Variants in TMPRSS5 observed in about 807,000 individuals in gnomAD.
The protein encoded by TMPRSS5 is transmembrane serine protease 5, also known as transmembrane protease serine 5.
In TMPRSS5, 45 loss-of-function variants were observed where a neutral mutation model predicts 59.7. The ratio of observed to expected loss-of-function variants is 0.75; its 90% confidence interval spans 0.59 to 0.97. The LOEUF is 0.97. Among genes scored for constraint, TMPRSS5 ranks in the 50% least tolerant of loss-of-function variants. The pLI is 0.00. For missense variants in TMPRSS5, 585 were observed against 596.7 expected, an observed-to-expected ratio of 0.98 and a Z score of 0.20; for synonymous variants, 225 against 232.0, an observed-to-expected ratio of 0.97 and a Z score of 0.27.
intron 10 of TMPRSS5, 136 bp from the exon 11 acceptor site, chr11:113,690,509 C>T (rs1952744722): frequency 7.4e-7 from 1 of 1,347,976 alleles, no homozygotes; most frequent in Non-Finnish European, 9.9e-7. Context: ...GCTGTGGACG[C>T]TGAGCAAGGA....
At chr11:113,694,724 G>T in intron 7 of TMPRSS5, 84 bp from the exon 8 acceptor site, 1 of 1,356,608 alleles carries the variant, frequency 7.4e-7, no homozygotes, top group Non-Finnish European at 9.9e-7. Context: ...GTGGCCCAGT[G>T]CTAAGCCCCA....
chr11:113,697,082 A>T, intron 5 of TMPRSS5, 111 bp from the exon 6 acceptor site: 1 of 1,176,206 alleles, frequency 8.5e-7, no homozygotes, highest in Non-Finnish European at 1.2e-6. Context: ...GCTGGGGTTT[A>T]TGCTTGTTAA....
At position 113,706,257 on chromosome 11, in the gene TMPRSS5, G is replaced by T. The variant is rs1434302540; in HGVS notation, c.-33C>A. On this transcript the variant is annotated 5_prime_UTR_variant, in exon 1 of 13. Transcript: ENST00000299882. ...AGTGGCACTGTTGTAAAGCCTCAGG[G>T]TCTACTAGGCAATGTTCCGCTCCTG... The T allele has an allele frequency of 1.3e-6, 2 of 1,599,060 alleles. No individual in the cohort carries two copies. The highest frequency in any genetic ancestry group is 8.5e-7 in the Non-Finnish European group (1 of 1,173,046).
At chr11:113,694,004 A>C (rs934898557) in intron 8 of TMPRSS5, among the ~76,000 whole-genome samples, 1 of 152,250 alleles carries the variant, frequency 6.6e-6, no homozygotes, top group Non-Finnish European at 1.5e-5. Flanking sequence ...ACGGTGGCTC[A>C]CGCCTGTTAT....
In TMPRSS5 at chr11:113,696,970, G is replaced by T; in HGVS notation, c.466C>A (p.Leu156Ile). Residue 156 changes from leucine to isoleucine, a missense_variant and splice_region_variant, in exon 6 of 13, where the codon CTC becomes ATC. By Grantham distance (5) the Leu-to-Ile change is conservative. Coordinates refer to ENST00000299882, the MANE Select transcript of TMPRSS5 (RefSeq NM_030770.4). ...QICWSLGHLRLTHHKGVNLTD... is the reference protein window; with the variant it reads ...QICWSLGHLRITHHKGVNLTD... ...AGGTTTACTCCCTTGTGGTGAGTGAGTCTTGGCAGAAGAAGGGAATAGAAC... is the reference window on the plus strand; with the variant it reads ...AGGTTTACTCCCTTGTGGTGAGTGATTCTTGGCAGAAGAAGGGAATAGAAC... 2 of 1,567,780 alleles carry T rather than the reference G, an allele frequency of 1.3e-6. No homozygotes were observed. The highest frequency in any genetic ancestry group is 1.7e-6 in the Non-Finnish European group (2 of 1,154,270).
rs1440726733 is a variant in TMPRSS5 at position 113,693,182 on chromosome 11, G to C, written c.853C>G (p.Pro285Ala). 6.2e-7 allele frequency: 1 copy of C among 1,601,960 alleles called. No homozygotes were observed. Among genetic ancestry groups the C allele is most frequent in the South Asian group, 1.1e-5 (1 of 88,534 alleles). ...CTCTCCACCAGAGCCCCTTGGTGGGGCCTGACGGCACTGTGGCTGACCAGC... is the reference window on the plus strand; with the variant it reads ...CTCTCCACCAGAGCCCCTTGGTGGGCCCTGACGGCACTGTGGCTGACCAGC... ...AGLVSHSAVR[P>A]HQGALVERII... Residue 285 changes from proline to alanine, a missense_variant, in exon 9 of 13, where the codon CCC becomes GCC. Pro to Ala is a conservative substitution (Grantham distance 27). Coordinates refer to ENST00000299882, the MANE Select transcript of TMPRSS5 (RefSeq NM_030770.4).
chr11:113,701,844 G>T (rs1332255005), intron 1 of TMPRSS5, among the ~76,000 whole-genome samples: 1 of 151,568 alleles, frequency 6.6e-6, no homozygotes, highest in African/African-American at 2.4e-5. Context: ...TTGCAGGTTT[G>T]TTACATAGGT....
rs778653913 is a variant in TMPRSS5, at chr11:113,694,544, C to A, written c.719G>T (p.Arg240Leu). Residue 240 changes from arginine to leucine, a missense_variant, in exon 8 of 13, where the codon CGG (arginine) becomes CTG (leucine). By Grantham distance (102) the Arg-to-Leu change is moderately radical (BLOSUM62 -2). Transcript: ENST00000299882. ...TAGCACAGAGCCCCCACACGTGTGC[C>A]GGAAGCCCAGGGCCACGCTGGCCTG... The part of the protein sequence containing the change: ...PWQASVALGF[R>L]HTCGGSVLAP... 1.3e-6 allele frequency: 2 copies of A among 1,557,558 alleles called. No homozygotes were observed. Among genetic ancestry groups the A allele is most frequent in the South Asian group, 1.2e-5 (1 of 84,362 alleles).
At chr11:113,700,014 T>C (rs553780067) in intron 2 of TMPRSS5, 52 bp downstream of exon 2, 5 of 1,551,010 alleles carry the variant, frequency 3.2e-6, no homozygotes, top group Non-Finnish European at 1.7e-6. Flanking sequence ...GTAGGATGAT[T>C]GCCCTCCACT....
At chr11:113,701,490 G>C (rs369771691) in intron 1 of TMPRSS5, among the ~76,000 whole-genome samples, 1 of 27,982 alleles carries the variant, frequency 3.6e-5, no homozygotes, top group Admixed American at 3.8e-4. Context: ...TTTTTTTGGC[G>C]GGGGGGGGTG....
rs1221776933 is a variant in TMPRSS5, at chr11:113,689,876, T to C, written c.1248A>G (p.Thr416=). 3.2e-6 allele frequency: 5 copies of C among 1,576,234 alleles called. No individual in the cohort carries two copies. Among genetic ancestry groups the C allele is most frequent in the African/African-American group, 1.4e-5 (1 of 73,888 alleles). The change falls in exon 12 of 13, where the codon ACA becomes ACG. Residue 416 remains threonine, a synonymous_variant. Transcript: ENST00000299882. ...GGPLVCPDGD[T]WRLVGVVSWG... is the part of the protein sequence containing the mutation. ...AGCTGACCACCCCCACTAGGCGCCA[T>C]GTGTCCCCATCTGGGCACACTAGGG...
chr11:113,705,454 C>T (rs913053366), intron 1 of TMPRSS5, among the ~76,000 whole-genome samples: 2 of 152,212 alleles, frequency 1.3e-5, no homozygotes, highest in Non-Finnish European at 1.5e-5. Flanking sequence ...CTATTCCCTA[C>T]ACCAGCCACA....
rs958641838 is a variant in TMPRSS5 at position 113,696,942 on chromosome 11, G to A, written c.494C>T (p.Thr165Ile). ...RLTHHKGVNL[T>I]DIKLNSSQEF... is the part of the protein sequence containing the mutation. ...CTGGGAACTGTTGAGTTTGATGTCA[G>A]TGAGGTTTACTCCCTTGTGGTGAGT... Residue 165 changes from threonine to isoleucine, a missense_variant, in exon 6 of 13, where the codon ACT (threonine) becomes ATT (isoleucine). Transcript: ENST00000299882. 9 of 1,579,954 alleles carry A rather than the reference G, an allele frequency of 5.7e-6. No homozygotes were observed. In the Admixed American group the frequency reaches 1.5e-4, roughly 26 times the overall value.
chr11:113,688,261 CA>C lies in TMPRSS5; in HGVS notation c.1372del (p.Ter458GlufsTer25). 1 of 1,582,356 alleles carries C rather than the reference CA, an allele frequency of 6.3e-7. No individual in the cohort carries two copies. Among genetic ancestry groups the C allele is most frequent in the Non-Finnish European group, 8.6e-7 (1 of 1,164,240 alleles). On this transcript the variant is annotated frameshift_variant and stop_lost, in exon 13 of 13. Coordinates refer to ENST00000299882, the MANE Select transcript of TMPRSS5 (RefSeq NM_030770.4). LOFTEE classifies it high-confidence loss of function. ...TGAGACTGGAGGAAACAGCAGGACT[CA>C]GAGGAGGGAGTCCTAGACCAAAAGG... ...IHDTAQDSLL[*>X]
At chr11:113,691,358 A>C (rs948526168) in intron 9 of TMPRSS5, among the ~76,000 whole-genome samples, 1 of 152,202 alleles carries the variant, frequency 6.6e-6, no homozygotes, top group Admixed American at 6.5e-5. Context: ...TGAGTAAAGC[A>C]TTCACTTGGG....
At position 113,690,915 on chromosome 11, in the gene TMPRSS5, G is replaced by A. The variant is rs374278839; in HGVS notation, c.989C>T (p.Pro330Leu). Residue 330 changes from proline (P) to leucine (L), a missense_variant, in exon 10 of 13, where the codon CCG becomes CTG. Pro to Leu is a moderately conservative substitution (Grantham distance 98, BLOSUM62 -3). Coordinates refer to ENST00000299882, the MANE Select transcript of TMPRSS5 (RefSeq NM_030770.4). ...FSDTVGAVCL[P>L]AKEQHFPKGS... ...CTTCGGAAAATGCTGTTCCTTGGCC[G>A]GCAGGCACACAGCGCCCACAGTGTC... is the stretch of plus-strand genomic sequence containing the variant. 21 of 1,593,042 alleles carry A rather than the reference G, an allele frequency of 1.3e-5. No individual in the cohort carries two copies. Among genetic ancestry groups the A allele is most frequent in the South Asian group, 2.3e-5 (2 of 87,202 alleles).
At position 113,690,826 on chromosome 11, in the gene TMPRSS5, A is replaced by T; in HGVS notation, c.1063+15T>A. 6.4e-7 allele frequency: 1 copy of T among 1,571,330 alleles called. No homozygotes were observed. Among genetic ancestry groups the T allele is most frequent in the East Asian group, 2.3e-5 (1 of 42,756 alleles). On this transcript the variant is annotated intron_variant, in intron 10 of 12. Coordinates refer to ENST00000299882, the MANE Select transcript of TMPRSS5 (RefSeq NM_030770.4). ...ACACCCGCCCCTGCACCGAGGGCCC[A>T]GGGAGCTGACTCACTATGGCTAGGG...
chr11:113,690,421 G>A (rs752357731), intron 10 of TMPRSS5, 48 bp from the exon 11 acceptor site: 2 of 1,571,714 alleles, frequency 1.3e-6, no homozygotes, highest in African/African-American at 1.4e-5. Flanking sequence ...CAAGGCCCAG[G>A]CAGGCAGAGC....
chr11:113,693,018 C>T (rs1278878420), intron 9 of TMPRSS5, 53 bp downstream of exon 9: 25 of 1,394,604 alleles, frequency 1.8e-5, no homozygotes, highest in South Asian at 6.2e-5. Context: ...ACCCAGCCCC[C>T]GCCCTCTCTC....
Sources: gnomAD v4.1 joint callset for allele counts (sites outside exome capture counted in the v4.1 genomes callset) on GRCh38, gnomAD v4.1.1 for gene constraint, MANE v1.5 for transcripts, NCBI Gene and HGNC (gene_info 2026-07-23, HGNC 2026-07-21) for gene names.